Variants in CACNA1A observed in about 807,000 individuals in gnomAD.
The protein encoded by CACNA1A is calcium voltage-gated channel subunit alpha1 A, also known as voltage-dependent P/Q-type calcium channel subunit alpha-1A.
A neutral mutation model predicts 262.4 loss-of-function variants in CACNA1A; 57 were observed. That is an observed-to-expected ratio of 0.22 (90% confidence interval 0.18 to 0.27). CACNA1A has a LOEUF of 0.27. CACNA1A is among the 10% of genes least tolerant of loss of function. The pLI, the probability that CACNA1A is intolerant of heterozygous loss-of-function variation, is 1.00. For missense variants in CACNA1A, 2,526 were observed against 3,562.8 expected (o/e 0.71, Z 7.41); for synonymous variants, 1,431 against 1,419.3 (o/e 1.01, Z -0.18).
At chr19:13,453,721 C>T (rs527674092) in intron 2 of CACNA1A, among the ~76,000 whole-genome samples, 36 of 152,166 alleles carry the variant, frequency 2.4e-4, no homozygotes, top group Non-Finnish European at 4.0e-4. Context: ...GCTACAAGCT[C>T]TTCTCCATCA....
rs58070391 is a variant in CACNA1A, at chr19:13,453,188, G to A, written c.400-173C>T. Among the ~76,000 whole-genome samples, 19,252 of 152,062 alleles carry A rather than the reference G, an allele frequency of 0.13. 1,554 individuals are homozygous for A. The highest frequency in any genetic ancestry group is 0.26 in the East Asian group (1,357 of 5,164). ...AGTTCTCTTGTCCAAAGCCTTTTGC[G>A]AGCAAAGCCAATGCCTAGAGAAGGC... On this transcript the variant is annotated intron_variant, in intron 2 of 46. Coordinates refer to ENST00000360228, the MANE Select transcript of CACNA1A (RefSeq NM_001127222.2).
chr19:13,335,767 G>A (rs750208590), intron 7 of CACNA1A, 39 bp downstream of exon 7: 1 of 1,269,110 alleles, frequency 7.9e-7, no homozygotes, highest in Non-Finnish European at 1.1e-6. Context: ...TTAGCAAAGA[G>A]GAGTGAGTGG....
At chr19:13,250,422 A>G (rs1395067592) in intron 30 of CACNA1A, among the ~76,000 whole-genome samples, 1 of 150,652 alleles carries the variant, frequency 6.6e-6, no homozygotes, top group Non-Finnish European at 1.5e-5. Context: ...ATTGAGATGG[A>G]GTCTCACTCT....
At position 13,261,450 on chromosome 19, in the gene CACNA1A, C is replaced by A; in HGVS notation, c.4250G>T (p.Arg1417Leu). ...AATGTGCTGGAAAGTGGAGACCCAC[C>A]GACAATCTTTCTCAAACTCTTTGGA... Reference protein sequence around the residue: ...DESKEFEKDCRGKYLLYEKNE... With the variant: ...DESKEFEKDCLGKYLLYEKNE... The change falls in exon 26 of 47, where the codon CGA becomes CTA. Residue 1417 changes from arginine to leucine, a missense_variant and splice_region_variant. Physicochemically the swap from Arg to Leu is moderately radical, Grantham distance 102 (BLOSUM62 -2). Around this residue, in one of 17 missense-constraint regions of CACNA1A, gnomAD observed 137 missense variants for 377.7 expected, o/e 0.36. Transcript: ENST00000360228. 1 of 1,566,736 alleles carries A rather than the reference C, an allele frequency of 6.4e-7. No individual in the cohort carries two copies. The highest frequency in any genetic ancestry group is 1.2e-5 in the South Asian group (1 of 84,992).
chr19:13,396,243 T>C (rs1361739031), intron 3 of CACNA1A, among the ~76,000 whole-genome samples: 1 of 152,248 alleles, frequency 6.6e-6, no homozygotes, highest in Admixed American at 6.5e-5. Context: ...GAACTTGAAC[T>C]AAAGCTTTCT....
At position 13,333,044 on chromosome 19, in the gene CACNA1A, A is replaced by G; in HGVS notation, c.1199-119T>C. On this transcript the variant is annotated intron_variant, in intron 8 of 46. Transcript: ENST00000360228. ...TCTGCTGACTGATGGTGACAGCTCA[A>G]CCGACCAAAAAACATGCTGCTGGGT... The G allele has an allele frequency of 5.6e-6, 4 of 715,978 alleles. No homozygotes were observed. The South Asian group carries it at 7.0e-5, about 13-fold the overall frequency. 44.4% of individuals were successfully genotyped at this position (715,978 alleles called of 1,614,324 possible).
intron 27 of CACNA1A, 181 bp from the exon 28 acceptor site, chr19:13,257,732 CTTAATT>C (rs777279593): frequency 2.1e-4 from 97 of 461,944 alleles, no homozygotes; most frequent in Middle Eastern, 5.6e-4. Flanking sequence ...TCAGTTATTT[CTTAATT>C]TTAATTTTAA....
Position 13,390,431 on chromosome 19 carries a change from A to G in CACNA1A, c.540-18652T>C, listed in dbSNP as rs544750336. ...CCAGACCCTCATGTAGCCTTGATCA[A>G]CACTGTCTGACAGAACTTTCTGGAT... On this transcript the variant is annotated intron_variant, in intron 3 of 46. Coordinates refer to ENST00000360228, the MANE Select transcript of CACNA1A (RefSeq NM_001127222.2). 7.2e-5 allele frequency among the ~76,000 whole-genome samples: 11 copies of G among 152,304 alleles called. 1 individual carries two copies. The highest frequency in any genetic ancestry group is 2.4e-4 in the African/African-American group (10 of 41,572).
In CACNA1A at chr19:13,283,354, A is replaced by G; in HGVS notation, c.3735T>C (p.Phe1245=). The change falls in exon 22 of 47, where the codon TTT becomes TTC. Residue 1245 remains phenylalanine, a synonymous_variant. Transcript: ENST00000360228. ...LCHYILNLRY[F]EMCILMVIAM... Reference sequence around the variant, plus strand: ...CAATGACCATGAGGATGCACATCTCAAAGTAGCGCAGGTTCAGGATGTAAT... The same window carrying G: ...CAATGACCATGAGGATGCACATCTCGAAGTAGCGCAGGTTCAGGATGTAAT... 1 of 1,613,456 alleles carries G rather than the reference A, an allele frequency of 6.2e-7. No individual in the cohort carries two copies. Among genetic ancestry groups the G allele is most frequent in the Non-Finnish European group, 8.5e-7 (1 of 1,179,386 alleles).
intron 6 of CACNA1A, among the ~76,000 whole-genome samples, chr19:13,346,650 ATATATATATATATATATTTTTTTTTTT>A (rs2058783289): frequency 8.9e-4 from 5 of 5,646 alleles, no homozygotes; most frequent in Non-Finnish European, 1.4e-3. Flanking sequence ...ATATATATAT[ATATATATATATATATATTTTTTTTTTT>A]TTTTTTTTTT....
chr19:13,233,736 C>T (rs1369606708), intron 34 of CACNA1A, among the ~76,000 whole-genome samples: 2 of 152,124 alleles, frequency 1.3e-5, no homozygotes, highest in Non-Finnish European at 2.9e-5. Context: ...AGCGATCCTC[C>T]CACCTCGGCC....
intron 1 of CACNA1A, among the ~76,000 whole-genome samples, chr19:13,469,392 G>A (rs912547029): frequency 6.7e-6 from 1 of 149,820 alleles, no homozygotes; most frequent in African/African-American, 2.5e-5. Flanking sequence ...CTCCAGCTAT[G>A]CATGCTCAGA....
intron 1 of CACNA1A, among the ~76,000 whole-genome samples, chr19:13,499,162 G>A (rs529881205): frequency 4.6e-4 from 70 of 152,152 alleles, no homozygotes; most frequent in African/African-American, 1.5e-3. Context: ...ACTCTCGACC[G>A]GCCCCAAAGG....
At chr19:13,445,746 T>C (rs536086856) in intron 3 of CACNA1A, among the ~76,000 whole-genome samples, 2 of 152,350 alleles carry the variant, frequency 1.3e-5, no homozygotes, top group East Asian at 3.9e-4. Flanking sequence ...TTCAGTTTCA[T>C]GATCAGAACA....
chr19:13,430,707 G>A (rs972166623), intron 3 of CACNA1A, among the ~76,000 whole-genome samples: 8 of 152,162 alleles, frequency 5.3e-5, no homozygotes, highest in African/African-American at 1.7e-4. Flanking sequence ...AGAAGTCCCT[G>A]CCCTCATGGA....
chr19:13,377,986 C>A (rs1568587501), intron 3 of CACNA1A, among the ~76,000 whole-genome samples: 1 of 151,984 alleles, frequency 6.6e-6, no homozygotes. Context: ...AAACAATCCA[C>A]AACAAACAAA....
At chr19:13,348,225 G>A (rs1181581335) in intron 6 of CACNA1A, among the ~76,000 whole-genome samples, 1 of 152,132 alleles carries the variant, frequency 6.6e-6, no homozygotes, top group Non-Finnish European at 1.5e-5. Flanking sequence ...GCCTGGCCAG[G>A]GACATGCATT....
intron 1 of CACNA1A, among the ~76,000 whole-genome samples, chr19:13,464,543 A>ATTG (rs1170388497): frequency 7.8e-6 from 1 of 128,960 alleles, no homozygotes; most frequent in South Asian, 2.4e-4. Flanking sequence ...AACTTTTCCA[A>ATTG]TTTTTTTTTT....
intron 6 of CACNA1A, among the ~76,000 whole-genome samples, chr19:13,358,026 T>C (rs950809685): frequency 6.6e-6 from 1 of 151,854 alleles, no homozygotes; most frequent in Non-Finnish European, 1.5e-5. Context: ...AAAACAAAAA[T>C]CTTCCCCAAA....
Sources: allele counts gnomAD v4.1 joint callset (sites outside exome capture counted in the v4.1 genomes callset), GRCh38; gene constraint gnomAD v4.1.1; regional missense constraint gnomAD v4.1.1; transcripts MANE v1.5; gene names NCBI Gene and HGNC (gene_info 2026-07-23, HGNC 2026-07-21).